Variants in SLC1A2 observed in about 807,000 individuals in gnomAD.
The protein encoded by SLC1A2 is excitatory amino acid transporter 2.
SLC1A2 carries 15 observed loss-of-function variants against 48.8 expected under a neutral mutation model. The observed-to-expected ratio is 0.31, with a 90% CI of 0.21 to 0.47. SLC1A2 has a LOEUF of 0.47. SLC1A2 is among the 20% of genes least tolerant of loss of function. The pLI is 0.99. For synonymous variants in SLC1A2, 279 were observed against 272.6 expected (o/e 1.02, Z -0.23); for missense variants, 502 against 730.5 (o/e 0.69, Z 3.61).
chr11:35,379,886 A>G (rs1854367065), intron 1 of SLC1A2, among the ~76,000 whole-genome samples: 1 of 152,238 alleles, frequency 6.6e-6, no homozygotes, highest in Admixed American at 6.5e-5. Context: ...GTTGGTTAGA[A>G]GCTATGGCCA....
Position 35,419,171 on chromosome 11 carries a change from T to C in SLC1A2, c.-205A>G. 2.2e-6 allele frequency: 1 copy of C among 463,916 alleles called. No homozygotes were observed. Among genetic ancestry groups the C allele is most frequent in the African/African-American group, 2.0e-5 (1 of 48,888 alleles). 28.7% of individuals were successfully genotyped at this position (463,916 alleles called of 1,614,324 possible). On this transcript the variant is annotated 5_prime_UTR_variant, in exon 1 of 11. Coordinates refer to ENST00000278379, the MANE Select transcript of SLC1A2 (RefSeq NM_004171.4). This position sits in a 1 kb window ranked among gnomAD's most constrained non-coding sequence, Gnocchi z 5.4. ...TGCGGGCGCTAATCCGCGTCCCGGC[T>C]CTCCACGGCGCGCGACCCGCGCTCC...
At chr11:35,277,164 A>G (rs565987195) in intron 9 of SLC1A2, among the ~76,000 whole-genome samples, 3 of 152,330 alleles carry the variant, frequency 2.0e-5, no homozygotes, top group East Asian at 1.9e-4. Flanking sequence ...AAACGTCAAC[A>G]TGAGTTTTGG....
At chr11:35,302,838 T>TAATTTCC (rs1851395332) in intron 5 of SLC1A2, among the ~76,000 whole-genome samples, 3 of 150,316 alleles carry the variant, frequency 2.0e-5, no homozygotes. Context: ...TCTGGATTTC[T>TAATTTCC]AATTTCCAAT....
At chr11:35,339,200 C>G (rs3847619) in intron 1 of SLC1A2, among the ~76,000 whole-genome samples, 3,891 of 152,096 alleles carry the variant, frequency 0.026, 155 homozygotes, top group African/African-American at 0.089. Flanking sequence ...TGGGGAGAAA[C>G]TTGACCTCCC....
At chr11:35,394,495 T>G (rs1854890871) in intron 1 of SLC1A2, among the ~76,000 whole-genome samples, 1 of 152,034 alleles carries the variant, frequency 6.6e-6, no homozygotes, top group Non-Finnish European at 1.5e-5. Context: ...CTAACTTTGG[T>G]CAAAAGAGCA....
chr11:35,292,763 G>T (rs1002493255), intron 6 of SLC1A2, among the ~76,000 whole-genome samples: 3 of 152,172 alleles, frequency 2.0e-5, no homozygotes, highest in African/African-American at 7.2e-5. Context: ...GCTAAGGTGA[G>T]TTCTAGGAAT....
chr11:35,272,034 T>C (rs1000222478), intron 9 of SLC1A2, among the ~76,000 whole-genome samples: 24 of 151,672 alleles, frequency 1.6e-4, no homozygotes, highest in Non-Finnish European at 3.1e-4. Context: ...GGAGAGGAAA[T>C]GGCAGATGGA....
intron 1 of SLC1A2, among the ~76,000 whole-genome samples, chr11:35,327,141 T>A (rs148267920): frequency 1.1e-4 from 17 of 152,236 alleles, no homozygotes; most frequent in Admixed American, 3.9e-4. Context: ...ATTCTCCTTT[T>A]TTTCCTTTTT....
intron 1 of SLC1A2, among the ~76,000 whole-genome samples, chr11:35,396,504 G>A (rs1191508740): frequency 7.7e-5 from 11 of 143,000 alleles, no homozygotes; most frequent in South Asian, 2.4e-4. Context: ...CATGTCCTTC[G>A]CCCACTTTTT....
At chr11:35,403,113 G>A (rs1490614819) in intron 1 of SLC1A2, among the ~76,000 whole-genome samples, 1 of 152,106 alleles carries the variant, frequency 6.6e-6, no homozygotes, top group African/African-American at 2.4e-5. Flanking sequence ...AACATTATAG[G>A]TATCTTCCAG....
At chr11:35,265,047 C>G (rs1400773720) in intron 10 of SLC1A2, 2 of 154,618 alleles carry the variant, frequency 1.3e-5, no homozygotes, top group African/African-American at 4.9e-5. Context: ...CTCCCGGGTT[C>G]ACGCCATTCT....
At chr11:35,335,761 A>C (rs1186253938) in intron 1 of SLC1A2, among the ~76,000 whole-genome samples, 1 of 152,152 alleles carries the variant, frequency 6.6e-6, no homozygotes, top group Non-Finnish European at 1.5e-5. Flanking sequence ...CCAGGAGTTC[A>C]AGACCAACCT....
intron 1 of SLC1A2, among the ~76,000 whole-genome samples, chr11:35,373,445 A>C (rs1172460034): frequency 6.6e-6 from 1 of 152,170 alleles, no homozygotes; most frequent in African/African-American, 2.4e-5. Flanking sequence ...GGAACCAAGC[A>C]AAGGGCTGGG....
chr11:35,268,186 A>G (rs1850157874), intron 9 of SLC1A2, among the ~76,000 whole-genome samples: 2 of 152,340 alleles, frequency 1.3e-5, no homozygotes, highest in Non-Finnish European at 2.9e-5. Flanking sequence ...TTTAGTTTAC[A>G]TATACAATAC....
chr11:35,286,969 G>A lies in SLC1A2; in HGVS notation c.1092-18C>T, dbSNP rs1361096919. Reference sequence around the variant, plus strand: ...TTCCAGCACTGAGAACAAAGAGAAAGAGAGAGACAGGGTTATGTCCACTTT... The same window carrying A: ...TTCCAGCACTGAGAACAAAGAGAAAAAGAGAGACAGGGTTATGTCCACTTT... On this transcript the variant is annotated intron_variant, in intron 7 of 10. Transcript: ENST00000278379. The A allele has an allele frequency of 1.2e-6, 2 of 1,605,958 alleles. No individual in the cohort carries two copies. Among genetic ancestry groups the A allele is most frequent in the Non-Finnish European group, 1.7e-6 (2 of 1,172,948 alleles).
intron 1 of SLC1A2, among the ~76,000 whole-genome samples, chr11:35,386,951 G>A (rs770599942): frequency 6.6e-6 from 1 of 151,968 alleles, no homozygotes; most frequent in Non-Finnish European, 1.5e-5. Flanking sequence ...TTTATTTGTT[G>A]TAGAGATGGA....
intron 1 of SLC1A2, among the ~76,000 whole-genome samples, chr11:35,405,992 C>T (rs1855281619): frequency 6.6e-6 from 1 of 152,222 alleles, no homozygotes; most frequent in South Asian, 2.1e-4. Flanking sequence ...ATTATACTAA[C>T]ATTCATCGTG....
rs897450504 is a variant in SLC1A2 at position 35,259,561 on chromosome 11, A to T, written c.*1333T>A. On this transcript the variant is annotated 3_prime_UTR_variant, in exon 11 of 11. Coordinates refer to ENST00000278379, the MANE Select transcript of SLC1A2 (RefSeq NM_004171.4). Reference sequence around the variant, plus strand: ...CACCAATTATATTATTTATTCCTTAAAACTTCACAGCCTTAAACAAGATTC... The same window carrying T: ...CACCAATTATATTATTTATTCCTTATAACTTCACAGCCTTAAACAAGATTC... The T allele has an allele frequency of 6.6e-6, 1 of 152,266 alleles. No individual in the cohort carries two copies. The highest frequency in any genetic ancestry group is 1.5e-5 in the Non-Finnish European group (1 of 68,040). The allele number at this position is 152,266 out of a possible 1,614,324, so 9.4% of individuals were successfully genotyped here. A position where few individuals can be genotyped will look rare whatever the true frequency, so the allele number is the denominator to read the frequency against.
chr11:35,381,698 C>T (rs113857832), intron 1 of SLC1A2, among the ~76,000 whole-genome samples: 53 of 152,316 alleles, frequency 3.5e-4, no homozygotes, highest in African/African-American at 1.2e-3. Flanking sequence ...CTCAGCGAGG[C>T]CCCCAAACTG....
Sources: gnomAD v4.1 joint callset for allele counts (sites outside exome capture counted in the v4.1 genomes callset) on GRCh38, gnomAD v4.1.1 for gene constraint, Gnocchi (gnomAD v3.1) non-coding constraint, MANE v1.5 for transcripts, NCBI Gene and HGNC (gene_info 2026-07-23, HGNC 2026-07-21) for gene names.